The following COL1A2 variants were observed in gnomAD, a reference collection of about 807,000 sequenced individuals.
The protein encoded by COL1A2 is collagen type I alpha 2 chain.
A neutral mutation model predicts 174.3 loss-of-function variants in COL1A2; 49 were observed. The observed-to-expected ratio is 0.28, with a 90% CI of 0.22 to 0.36. The LOEUF (loss-of-function observed/expected upper bound fraction) is 0.36. COL1A2 is among the 10% of genes least tolerant of loss of function. The pLI is 1.00. For missense variants in COL1A2, 1,438 were observed against 1,822.7 expected, an observed-to-expected ratio of 0.79 and a Z score of 3.84; for synonymous variants, 655 against 606.6, an observed-to-expected ratio of 1.08 and a Z score of -1.17.
chr7:94,428,492 A>G lies in COL1A2; in HGVS notation c.3711+15A>G. The G allele has an allele frequency of 6.2e-7, 1 of 1,606,954 alleles. No homozygotes were observed. The highest frequency in any genetic ancestry group is 8.5e-7 in the Non-Finnish European group (1 of 1,174,398). ...CTGGCAGCCAGGTGAGGAATCCCAC[A>G]AACACCTCTCCTTCTGCTAAATAAT... On this transcript the variant is annotated intron_variant, in intron 50 of 51. Coordinates refer to ENST00000297268, the MANE Select transcript of COL1A2 (RefSeq NM_000089.4).
chr7:94,399,377 C>G (rs1226982295), intron 4 of COL1A2, among the ~76,000 whole-genome samples: 1 of 152,154 alleles, frequency 6.6e-6, no homozygotes. Context: ...GGAAATATAT[C>G]TACCTACCAC....
chr7:94,418,483 T>A lies in COL1A2; in HGVS notation c.1972-16T>A. 1 of 1,613,464 alleles carries A rather than the reference T, an allele frequency of 6.2e-7. No individual in the cohort carries two copies. The highest frequency in any genetic ancestry group is 8.5e-7 in the Non-Finnish European group (1 of 1,179,576). On this transcript the variant is annotated splice_polypyrimidine_tract_variant and intron_variant, in intron 32 of 51. Transcript: ENST00000297268. ...TGGTCAGAAAACAAAAAGTTGCTCT[T>A]GCTTTATACTTTCAGGGTGAACCTG...
intron 44 of COL1A2, 24 bp downstream of exon 44, chr7:94,425,881 T>G: frequency 6.2e-7 from 1 of 1,606,358 alleles, no homozygotes; most frequent in South Asian, 1.1e-5. Context: ...TACCAGTCCC[T>G]CAGTGCAGCA....
In COL1A2 at chr7:94,404,547, TCTTTA is replaced by T. The variant is rs2115874855; in HGVS notation, c.280-7_280-3del. 8.7e-6 allele frequency: 14 copies of T among 1,612,878 alleles called. No individual in the cohort carries two copies. The highest frequency in any genetic ancestry group is 1.1e-5 in the Non-Finnish European group (13 of 1,179,962). ...GTGCTAACTGTTGATATATCTGCTTTCTTTACAGGGCTTAATGGGACCTAGAGGCC... is the reference window on the plus strand; with the variant it reads ...GTGCTAACTGTTGATATATCTGCTTTCAGGGCTTAATGGGACCTAGAGGCC... On this transcript the variant is annotated splice_polypyrimidine_tract_variant and splice_region_variant and intron_variant, in intron 6 of 51. Transcript: ENST00000297268.
chr7:94,429,350 C>A lies in COL1A2; in HGVS notation c.3874C>A (p.Leu1292Ile). ...TGGCAACCTGAAAAAGGCTGTCATTCTACAGGGCTCTAATGATGTTGAACT... is the reference window on the plus strand; with the variant it reads ...TGGCAACCTGAAAAAGGCTGTCATTATACAGGGCTCTAATGATGTTGAACT... ...ETGNLKKAVI[L>I]QGSNDVELVA... The change falls in exon 51 of 52, where the codon CTA becomes ATA. Residue 1292 changes from leucine (L) to isoleucine (I), a missense_variant. Around this residue, in one of 3 missense-constraint regions of COL1A2, gnomAD observed 290 missense variants for 298.1 expected, o/e 0.97. Transcript: ENST00000297268. 2 of 1,613,936 alleles carry A rather than the reference C, an allele frequency of 1.2e-6. No individual in the cohort carries two copies. The highest frequency in any genetic ancestry group is 1.7e-6 in the Non-Finnish European group (2 of 1,179,894).
In COL1A2 at chr7:94,424,398, T is replaced by C. The variant is rs770159807; in HGVS notation, c.2628T>C (p.Pro876=). 1.9e-6 allele frequency: 3 copies of C among 1,614,200 alleles called. No homozygotes were observed. The highest frequency in any genetic ancestry group is 1.7e-5 in the Admixed American group (1 of 60,030). Residue 876 remains proline, a synonymous_variant, in exon 41 of 52, where the codon CCT becomes CCC. Transcript: ENST00000297268. ...GTGCTCCTGGTATTCTGGGTCTCCC[T>C]GGCTCGAGAGGTGAACGTGGTCTAC... ...LLGAPGILGL[P]GSRGERGLPG...
At chr7:94,399,117 C>G (rs778969687) in intron 4 of COL1A2, 33 bp downstream of exon 4, 11 of 1,595,330 alleles carry the variant, frequency 6.9e-6, no homozygotes, top group Admixed American at 1.7e-5. Flanking sequence ...AGGGCTTCGT[C>G]CCGTATTTGA....
intron 6 of COL1A2, among the ~76,000 whole-genome samples, chr7:94,403,362 A>T (rs1304538984): frequency 6.6e-6 from 1 of 152,218 alleles, no homozygotes; most frequent in East Asian, 1.9e-4. Context: ...AATAATTTCC[A>T]TGTTGGAAAA....
At position 94,395,055 on chromosome 7, in the gene COL1A2, G is replaced by A; in HGVS notation, c.24G>A (p.Arg8=). 1 of 1,614,052 alleles carries A rather than the reference G, an allele frequency of 6.2e-7. No homozygotes were observed. Among genetic ancestry groups the A allele is most frequent in the East Asian group, 2.2e-5 (1 of 44,858 alleles). The change falls in exon 1 of 52, where the codon CGG becomes CGA. Residue 8 remains arginine, a synonymous_variant. Transcript: ENST00000297268. ...ACATGCTCAGCTTTGTGGATACGCG[G>A]ACTTTGTTGCTGCTTGCAGTAACCT... is the stretch of plus-strand genomic sequence containing the variant. MLSFVDT[R]TLLLLAVTLC...
At chr7:94,425,356 C>A (rs1307892265) in intron 42 of COL1A2, 132 bp downstream of exon 42, 3 of 910,604 alleles carry the variant, frequency 3.3e-6, no homozygotes, top group Non-Finnish European at 5.2e-6. Flanking sequence ...GTATCTACAC[C>A]TAGTACTGAA....
intron 41 of COL1A2, chr7:94,424,677 G>A (rs918315454): frequency 1.3e-5 from 7 of 540,120 alleles, no homozygotes; most frequent in Admixed American, 3.1e-5. Context: ...TTCTTTCCAC[G>A]CACTTAGGAA....
At chr7:94,417,090 G>A (rs1792058484) in intron 31 of COL1A2, among the ~76,000 whole-genome samples, 1 of 152,042 alleles carries the variant, frequency 6.6e-6, no homozygotes, top group Non-Finnish European at 1.5e-5. Flanking sequence ...AACTCTAGGG[G>A]AAAAAATGTA....
In COL1A2 at chr7:94,413,070, A is replaced by T; in HGVS notation, c.1504-13A>T. 6.2e-7 allele frequency: 1 copy of T among 1,613,876 alleles called. No individual in the cohort carries two copies. Among genetic ancestry groups the T allele is most frequent in the Non-Finnish European group, 8.5e-7 (1 of 1,179,790 alleles). Reference sequence around the variant, plus strand: ...AAAGCTGTTCTTTGTTTTGTTTTTCATTTTTACTCTAGGGTGATCCTGGCA... The same window carrying T: ...AAAGCTGTTCTTTGTTTTGTTTTTCTTTTTTACTCTAGGGTGATCCTGGCA... On this transcript the variant is annotated splice_polypyrimidine_tract_variant and intron_variant, in intron 25 of 51. Coordinates refer to ENST00000297268, the MANE Select transcript of COL1A2 (RefSeq NM_000089.4).
chr7:94,398,341 A>G (rs776026272), intron 2 of COL1A2, 41 bp from the exon 3 acceptor site: 2 of 748,526 alleles, frequency 2.7e-6, no homozygotes, highest in Non-Finnish European at 4.0e-6. Flanking sequence ...ATATATATAT[A>G]CAATTTTCTT....
In COL1A2 at chr7:94,397,434, T is replaced by A. The variant is rs538251059; in HGVS notation, c.71-314T>A. 3.3e-5 allele frequency among the ~76,000 whole-genome samples: 5 copies of A among 152,288 alleles called. No individual in the cohort carries two copies. In the East Asian group the frequency reaches 9.6e-4, roughly 29 times the overall value. ...CGATTCATCTGTGCACTTTACCAGCTTAATTGCTAAGCATTCAAAATATCC... is the reference window on the plus strand; with the variant it reads ...CGATTCATCTGTGCACTTTACCAGCATAATTGCTAAGCATTCAAAATATCC... On this transcript the variant is annotated intron_variant, in intron 1 of 51. Coordinates refer to ENST00000297268, the MANE Select transcript of COL1A2 (RefSeq NM_000089.4).
intron 1 of COL1A2, 99 bp downstream of exon 1, chr7:94,395,200 A>G: frequency 1.1e-6 from 1 of 944,780 alleles, no homozygotes; most frequent in Non-Finnish European, 1.8e-6. Flanking sequence ...AATTCCAGGT[A>G]CACTTGGAGG....
rs72658185 is a variant in COL1A2 at position 94,421,027 on chromosome 7, G to A, written c.2314G>A (p.Gly772Ser). 1.2e-6 allele frequency: 2 copies of A among 1,614,068 alleles called. No individual in the cohort carries two copies. Among genetic ancestry groups the A allele is most frequent in the East Asian group, 2.2e-5 (1 of 44,862 alleles). ...CATTTAGGGTCCAAATGGTCCCCCC[G>A]GTCCTGCTGGAAGTCGTGGTGATGG... ...AGPAGPNGPP[G>S]PAGSRGDGGP... The change falls in exon 38 of 52, where the codon GGT (glycine) becomes AGT (serine). Residue 772 changes from glycine to serine, a missense_variant. Gly to Ser is a moderately conservative substitution (Grantham distance 56, BLOSUM62 0). This residue lies in a region of COL1A2 where 867 missense variants were observed against 1,213.7 expected (regional missense o/e 0.71). Coordinates refer to ENST00000297268, the MANE Select transcript of COL1A2 (RefSeq NM_000089.4).
intron 12 of COL1A2, among the ~76,000 whole-genome samples, chr7:94,406,704 C>T (rs983501958): frequency 5.3e-5 from 8 of 152,100 alleles, no homozygotes; most frequent in South Asian, 2.1e-4. Flanking sequence ...ACATTCATGT[C>T]GCTATACACT....
Position 94,427,629 on chromosome 7 carries a change from C to CCCCCCTGGT in COL1A2, c.3279_3287dup (p.Pro1100_Gly1102dup), listed in dbSNP as rs74315103. On this transcript the variant is annotated inframe_insertion, in exon 49 of 52. Transcript: ENST00000297268. ...CTATCTCACTTTCACCTTTGCAGGG[C>CCCCCCTGGT]CCCCCTGGTCCCCCTGGCCCTCCTG... 1.2e-6 allele frequency: 2 copies of CCCCCCTGGT among 1,613,830 alleles called. No homozygotes were observed. Among genetic ancestry groups the CCCCCCTGGT allele is most frequent in the Non-Finnish European group, 1.7e-6 (2 of 1,179,828 alleles).
Sources: allele counts gnomAD v4.1 joint callset (sites outside exome capture counted in the v4.1 genomes callset), GRCh38; gene constraint gnomAD v4.1.1; regional missense constraint gnomAD v4.1.1; transcripts MANE v1.5; gene names NCBI Gene and HGNC (gene_info 2026-07-23, HGNC 2026-07-21).